Variants in ITGB5 observed in about 807,000 individuals in gnomAD.
The protein encoded by ITGB5 is integrin beta-5.
ITGB5 carries 38 observed loss-of-function variants against 84.8 expected under a neutral mutation model. The ratio of observed to expected loss-of-function variants is 0.45; its 90% confidence interval spans 0.35 to 0.59. ITGB5 has a LOEUF of 0.59. Among genes scored for constraint, ITGB5 ranks in the 20% least tolerant of loss-of-function variants. The pLI is 0.01. For missense variants in ITGB5, 905 were observed against 1,034.5 expected (o/e 0.87, Z 1.72); for synonymous variants, 393 against 414.4 (o/e 0.95, Z 0.63).
intron 1 of ITGB5, among the ~76,000 whole-genome samples, chr3:124,885,754 T>C (rs1934775739): frequency 6.6e-6 from 1 of 152,234 alleles, no homozygotes; most frequent in South Asian, 2.1e-4. Context: ...GGAGTGATTA[T>C]TTTCCCATTT....
chr3:124,769,958 G>A (rs2063818653), intron 11 of ITGB5: 1 of 152,206 alleles, frequency 6.6e-6, no homozygotes, highest in African/African-American at 2.4e-5. Context: ...TCAGATAGTG[G>A]GTGAAAATGC....
rs2065188332 is a variant in ITGB5, at chr3:124,853,791, C to G, written c.362-5233G>C. Reference sequence around the variant, plus strand: ...AATGTACTTTTGTTATATTAAGATGCTATCATTGAGGACAGCGGAGAAGGG... The same window carrying G: ...AATGTACTTTTGTTATATTAAGATGGTATCATTGAGGACAGCGGAGAAGGG... On this transcript the variant is annotated intron_variant, in intron 3 of 14. Transcript: ENST00000296181. 2.6e-5 allele frequency among the ~76,000 whole-genome samples: 4 copies of G among 152,160 alleles called. No individual in the cohort carries two copies. The South Asian group carries it at 8.3e-4, about 31-fold the overall frequency.
intron 9 of ITGB5, among the ~76,000 whole-genome samples, chr3:124,805,055 C>T (rs1245599892): frequency 1.5e-5 from 2 of 135,152 alleles, no homozygotes; most frequent in South Asian, 2.7e-4. Context: ...TGCCCTCCCT[C>T]CCTGCCCTGC....
chr3:124,859,332 T>A lies in ITGB5; in HGVS notation c.271A>T (p.Ser91Cys). The change falls in exon 3 of 15, where the codon AGC (serine) becomes TGC (cysteine). Residue 91 changes from serine to cysteine, a missense_variant. By Grantham distance (112) the Ser-to-Cys change is moderately radical (BLOSUM62 -1). Coordinates refer to ENST00000296181, the MANE Select transcript of ITGB5 (RefSeq NM_002213.5). The stretch of plus-strand genomic sequence containing the variant: ...GAACCCTTGCTGCTGAGGGGCAGGC[T>A]CCTCAGGACATGGAAGCTGCTGGCT... ...SPASSFHVLR[S>C]LPLSSKGSGS... 6.2e-7 allele frequency: 1 copy of A among 1,614,046 alleles called. No individual in the cohort carries two copies. Among genetic ancestry groups the A allele is most frequent in the African/African-American group, 1.3e-5 (1 of 75,004 alleles).
rs996349548 is a variant in ITGB5, at chr3:124,762,474, T to C, written c.*1149A>G. 1 of 152,198 alleles carries C rather than the reference T, an allele frequency of 6.6e-6. No homozygotes were observed. The highest frequency in any genetic ancestry group is 2.4e-5 in the African/African-American group (1 of 41,438). The allele number at this position is 152,198 out of a possible 1,614,324, so 9.4% of individuals were successfully genotyped here. ...AGGGGAGAGGGTCAGTCAACCATCT[T>C]AGATATGGGAACTTAAGGGGACTTC... On this transcript the variant is annotated 3_prime_UTR_variant, in exon 15 of 15. Transcript: ENST00000296181.
chr3:124,806,903 T>C (rs1232131136), intron 9 of ITGB5, among the ~76,000 whole-genome samples: 1 of 152,164 alleles, frequency 6.6e-6, no homozygotes, highest in Non-Finnish European at 1.5e-5. Flanking sequence ...AAAATGTTAT[T>C]GGAAGTACCT....
At chr3:124,826,137 T>C (rs1338081031) in intron 5 of ITGB5, among the ~76,000 whole-genome samples, 4 of 152,228 alleles carry the variant, frequency 2.6e-5, no homozygotes, top group Non-Finnish European at 4.4e-5. Context: ...TGGTTGTGGT[T>C]GGGACTGGGG....
intron 10 of ITGB5, among the ~76,000 whole-genome samples, chr3:124,774,386 C>CA (rs1452477756): frequency 6.6e-6 from 1 of 152,106 alleles, no homozygotes; most frequent in Non-Finnish European, 1.5e-5. Context: ...TGAGAGGGAG[C>CA]AAGGGAGACT....
At chr3:124,884,824 T>C (rs183362736) in intron 1 of ITGB5, among the ~76,000 whole-genome samples, 2 of 152,304 alleles carry the variant, frequency 1.3e-5, no homozygotes, top group Admixed American at 6.5e-5. Flanking sequence ...CCAAAAGCCA[T>C]GGTCCCTGGT....
chr3:124,823,617 T>C (rs1161821736), intron 5 of ITGB5, among the ~76,000 whole-genome samples: 8 of 149,188 alleles, frequency 5.4e-5, no homozygotes, highest in Non-Finnish European at 7.4e-5. Context: ...TCGAGATGTA[T>C]AGTATATATA....
At chr3:124,853,669 G>A (rs1412378972) in intron 3 of ITGB5, among the ~76,000 whole-genome samples, 2 of 152,126 alleles carry the variant, frequency 1.3e-5, no homozygotes, top group Non-Finnish European at 2.9e-5. Flanking sequence ...AAGGAGAAGG[G>A]AGGAAAAAAA....
chr3:124,887,548 G>A, upstream of ITGB5: 1 of 269,328 alleles, frequency 3.7e-6, no homozygotes, highest in Non-Finnish European at 7.8e-6. Flanking sequence ...GCGGGGACCG[G>A]CCCGGGACGC....
At chr3:124,836,822 C>G (rs534449853) in intron 5 of ITGB5, among the ~76,000 whole-genome samples, 1 of 152,146 alleles carries the variant, frequency 6.6e-6, no homozygotes, top group Non-Finnish European at 1.5e-5. Flanking sequence ...AAATTTTATT[C>G]AATACATAAA....
At chr3:124,885,308 A>G (rs187072005) in intron 1 of ITGB5, among the ~76,000 whole-genome samples, 1 of 152,338 alleles carries the variant, frequency 6.6e-6, no homozygotes, top group East Asian at 1.9e-4. Flanking sequence ...AATTATTATT[A>G]TAATTCTGTT....
rs574372434 is a variant in ITGB5 at position 124,813,508 on chromosome 3, C to T, written c.1128+4113G>A. On this transcript the variant is annotated intron_variant, in intron 8 of 14. Transcript: ENST00000296181. Reference sequence around the variant, plus strand: ...GTTGTCATCTATACTTCCAACTGATCGGCTATAAATTCAAATTCCCATGAC... The same window carrying T: ...GTTGTCATCTATACTTCCAACTGATTGGCTATAAATTCAAATTCCCATGAC... Among the ~76,000 whole-genome samples, 30 of 152,310 alleles carry T rather than the reference C, an allele frequency of 2.0e-4. 1 individual carries two copies. The highest frequency in any genetic ancestry group is 6.8e-3 in the Middle Eastern group (2 of 294).
intron 5 of ITGB5, among the ~76,000 whole-genome samples, chr3:124,839,825 C>T (rs948337418): frequency 2.0e-5 from 3 of 152,248 alleles, no homozygotes; most frequent in African/African-American, 7.2e-5. Context: ...TAAGAGACAC[C>T]AGGGACTTCT....
intron 1 of ITGB5, among the ~76,000 whole-genome samples, chr3:124,896,224 A>G (rs1935098528): frequency 6.6e-6 from 1 of 152,144 alleles, no homozygotes. Flanking sequence ...AATCCACCCC[A>G]ATTATTTAAT....
At chr3:124,852,108 G>A (rs552120517) in intron 3 of ITGB5, among the ~76,000 whole-genome samples, 12 of 152,138 alleles carry the variant, frequency 7.9e-5, no homozygotes, top group South Asian at 2.1e-4. Context: ...AAAAACACCC[G>A]AGACTTTAAG....
At chr3:124,813,784 G>A (rs2064542416) in intron 8 of ITGB5, among the ~76,000 whole-genome samples, 1 of 152,142 alleles carries the variant, frequency 6.6e-6, no homozygotes, top group Admixed American at 6.5e-5. Flanking sequence ...TGGAGGCATT[G>A]TTACATGGGC....
Sources: gnomAD v4.1 joint callset for allele counts (sites outside exome capture counted in the v4.1 genomes callset) on GRCh38, gnomAD v4.1.1 for gene constraint, MANE v1.5 for transcripts, NCBI Gene and HGNC (gene_info 2026-07-23, HGNC 2026-07-21) for gene names.